Variants in KIAA1549 observed in about 807,000 individuals in gnomAD.
KIAA1549 encodes UPF0606 protein KIAA1549.
In KIAA1549, 70 loss-of-function variants were observed where a neutral mutation model predicts 156.4. The ratio of observed to expected loss-of-function variants is 0.45; its 90% confidence interval spans 0.37 to 0.55. The LOEUF is 0.55. Ranked by LOEUF, KIAA1549 falls within the 20% of genes least tolerant of loss-of-function variation. The pLI is 0.00. For missense variants in KIAA1549, 2,428 were observed against 2,540.9 expected, an observed-to-expected ratio of 0.96 and a Z score of 0.96; for synonymous variants, 1,103 against 1,066.4, an observed-to-expected ratio of 1.03 and a Z score of -0.67.
chr7:138,909,173 A>G, intron 4 of KIAA1549, 52 bp from the exon 5 acceptor site: 1 of 1,561,862 alleles, frequency 6.4e-7, no homozygotes, highest in Non-Finnish European at 8.7e-7. Context: ...GTGCTTCTGA[A>G]GTATTAAGGA....
chr7:138,903,794 T>A (rs1387875760), intron 7 of KIAA1549, 58 bp from the exon 8 acceptor site: 74 of 10,860 alleles, frequency 6.8e-3, no homozygotes, highest in Admixed American at 0.044. Flanking sequence ...AAAAAAACAG[T>A]GTGTGTGTGT....
At position 138,918,863 on chromosome 7, in the gene KIAA1549, T is replaced by G; in HGVS notation, c.763A>C (p.Thr255Pro). Residue 255 changes from threonine (T) to proline (P), a missense_variant, in exon 2 of 20, where the codon ACT (threonine) becomes CCT (proline). Thr to Pro is a conservative substitution (Grantham distance 38). Coordinates refer to ENST00000422774, the MANE Select transcript of KIAA1549 (RefSeq NM_001164665.2). This position sits in a 1 kb window ranked among gnomAD's most constrained non-coding sequence, Gnocchi z 4.2. ...TPGRNLVLYP[T>P]DAYSHLSSRT... The stretch of plus-strand genomic sequence containing the variant: ...CTTGATAAATGACTGTAAGCATCAG[T>G]AGGATAAAGCACCAAATTCCTGCCA... 6.2e-7 allele frequency: 1 copy of G among 1,613,992 alleles called. No homozygotes were observed. The highest frequency in any genetic ancestry group is 1.3e-5 in the African/African-American group (1 of 75,050).
chr7:138,866,671 T>C (rs569456744), intron 15 of KIAA1549, among the ~76,000 whole-genome samples: 2 of 152,354 alleles, frequency 1.3e-5, no homozygotes, highest in East Asian at 1.9e-4. Context: ...GTATTTCTCA[T>C]GGGTTAAGTG....
At chr7:138,856,027 A>AT (rs1810378772) in intron 16 of KIAA1549, among the ~76,000 whole-genome samples, 1 of 149,142 alleles carries the variant, frequency 6.7e-6, no homozygotes, top group African/African-American at 2.5e-5. Context: ...TTTTTTTATT[A>AT]TTTATTTTAT....
intron 7 of KIAA1549, 108 bp from the exon 8 acceptor site, chr7:138,903,844 TGTGTGTGTGCGCGCGCGCGC>T (rs1262278335): frequency 4.6e-6 from 2 of 431,074 alleles, no homozygotes; most frequent in Non-Finnish European, 6.9e-6. Flanking sequence ...TGTGTGTGTG[TGTGTGTGTGCGCGCGCGCGC>T]GCGCGCACAT....
intron 12 of KIAA1549, among the ~76,000 whole-genome samples, chr7:138,871,819 G>GT (rs919623777): frequency 3.9e-5 from 6 of 152,170 alleles, no homozygotes. Flanking sequence ...AGGCAATGTC[G>GT]TACTACAGAG....
Position 138,861,166 on chromosome 7 carries a change from T to C in KIAA1549, c.5220A>G (p.Pro1740=), listed in dbSNP as rs1164878095. 3 of 1,613,748 alleles carry C rather than the reference T, an allele frequency of 1.9e-6. No individual in the cohort carries two copies. The highest frequency in any genetic ancestry group is 2.5e-6 in the Non-Finnish European group (3 of 1,179,898). ...RATQWGSFYS[P]AQTANNPCSR... ...TGCAGGGATTGTTGGCCGTCTGGGCTGGGCTGTAGAAGGACCCCCACTGGG... is the reference window on the plus strand; with the variant it reads ...TGCAGGGATTGTTGGCCGTCTGGGCCGGGCTGTAGAAGGACCCCCACTGGG... Residue 1740 remains proline (P), a synonymous_variant, in exon 16 of 20, where the codon CCA becomes CCG. Coordinates refer to ENST00000422774, the MANE Select transcript of KIAA1549 (RefSeq NM_001164665.2).
rs751918568 is a variant in KIAA1549, at chr7:138,917,649, T to C, written c.1977A>G (p.Thr659=). The change falls in exon 2 of 20, where the codon ACA becomes ACG. Residue 659 remains threonine (T), a synonymous_variant. Transcript: ENST00000422774. The part of the protein sequence containing the change: ...SLMPSDLSPF[T]SQSFSPLVET... Reference sequence around the variant, plus strand: ...CAACCAAGGGAGAAAAAGACTGAGATGTGAAGGGGGACAAGTCACTCGGCA... The same window carrying C: ...CAACCAAGGGAGAAAAAGACTGAGACGTGAAGGGGGACAAGTCACTCGGCA... 61 of 1,613,176 alleles carry C rather than the reference T, an allele frequency of 3.8e-5. No homozygotes were observed. The highest frequency in any genetic ancestry group is 1.0e-4 in the Admixed American group (6 of 59,890).
rs576125686 is a variant in KIAA1549, at chr7:138,938,864, A to G, written c.188-19426T>C. Among the ~76,000 whole-genome samples, 11 of 152,272 alleles carry G rather than the reference A, an allele frequency of 7.2e-5. No homozygotes were observed. The South Asian group carries it at 8.3e-4, about 11-fold the overall frequency. ...AGAGTACAAGACCAGTCTAGCCAAT[A>G]CGGCGAAACCCTGTGTCTACTAAAA... is the stretch of plus-strand genomic sequence containing the variant. On this transcript the variant is annotated intron_variant, in intron 1 of 19. Coordinates refer to ENST00000422774, the MANE Select transcript of KIAA1549 (RefSeq NM_001164665.2).
intron 1 of KIAA1549, among the ~76,000 whole-genome samples, chr7:138,964,941 AG>A (rs1384102625): frequency 6.6e-6 from 1 of 151,702 alleles, no homozygotes; most frequent in East Asian, 1.9e-4. Flanking sequence ...TGCTCATAGC[AG>A]TGTTTTTTTT....
intron 1 of KIAA1549, among the ~76,000 whole-genome samples, chr7:138,960,640 A>C (rs1813816298): frequency 6.6e-6 from 1 of 152,192 alleles, no homozygotes; most frequent in Non-Finnish European, 1.5e-5. Context: ...AATACATGCT[A>C]CAGTGTTTCC....
chr7:138,954,565 C>CTGGTTCCTCCTCGTCTGTCAGG (rs1436179765), intron 1 of KIAA1549, among the ~76,000 whole-genome samples: 1 of 152,198 alleles, frequency 6.6e-6, no homozygotes, highest in Non-Finnish European at 1.5e-5. Context: ...CAAAAATGGT[C>CTGGTTCCTCCTCGTCTGTCAGG]TGGTTCCTCC....
intron 1 of KIAA1549, among the ~76,000 whole-genome samples, chr7:138,946,283 G>C (rs910519022): frequency 1.3e-5 from 2 of 152,098 alleles, no homozygotes; most frequent in African/African-American, 4.8e-5. Flanking sequence ...GTAAGCCTTA[G>C]TTGATTTCTG....
At chr7:138,861,617 C>T (rs1238908245) in intron 15 of KIAA1549, among the ~76,000 whole-genome samples, 161 bp from the exon 16 acceptor site, 1 of 149,248 alleles carries the variant, frequency 6.7e-6, no homozygotes, top group South Asian at 2.1e-4. Context: ...TTTGGGGAGG[C>T]TGAGGTGGAG....
intron 10 of KIAA1549, among the ~76,000 whole-genome samples, chr7:138,893,602 A>C (rs973161588): frequency 5.9e-5 from 9 of 152,258 alleles, no homozygotes; most frequent in African/African-American, 2.2e-4. Flanking sequence ...TTTTAAGTTA[A>C]AATGTTCAAG....
At position 138,916,821 on chromosome 7, in the gene KIAA1549, T is replaced by C. The variant is rs749333094; in HGVS notation, c.2805A>G (p.Thr935=). ...TAFTLEATVD[T]PTLATAKPPY... is the part of the protein sequence containing the mutation. Reference sequence around the variant, plus strand: ...GCGGCTTGGCAGTAGCCAGTGTTGGTGTGTCGACTGTTGCTTCGAGAGTGA... The same window carrying C: ...GCGGCTTGGCAGTAGCCAGTGTTGGCGTGTCGACTGTTGCTTCGAGAGTGA... Residue 935 remains threonine (T), a synonymous_variant, in exon 2 of 20, where the codon ACA becomes ACG. Coordinates refer to ENST00000422774, the MANE Select transcript of KIAA1549 (RefSeq NM_001164665.2). 3.1e-6 allele frequency: 5 copies of C among 1,613,790 alleles called. No individual in the cohort carries two copies. In the Admixed American group the frequency reaches 8.3e-5, roughly 27 times the overall value.
chr7:138,897,978 T>C (rs969691157), intron 9 of KIAA1549, among the ~76,000 whole-genome samples: 2 of 149,664 alleles, frequency 1.3e-5, no homozygotes, highest in African/African-American at 2.5e-5. Context: ...CTCTTCCATG[T>C]GCCTCCTTTT....
intron 15 of KIAA1549, among the ~76,000 whole-genome samples, chr7:138,863,873 A>G (rs895366333): frequency 6.6e-6 from 1 of 152,172 alleles, no homozygotes; most frequent in Non-Finnish European, 1.5e-5. Flanking sequence ...ATCCTAATTG[A>G]GAATCTGGGG....
chr7:138,918,442 C>T lies in KIAA1549; in HGVS notation c.1184G>A (p.Ser395Asn). 6.2e-7 allele frequency: 1 copy of T among 1,613,934 alleles called. No individual in the cohort carries two copies. Among genetic ancestry groups the T allele is most frequent in the Admixed American group, 1.7e-5 (1 of 60,032 alleles). The change falls in exon 2 of 20, where the codon AGC becomes AAC. Residue 395 changes from serine to asparagine, a missense_variant. Physicochemically the swap from Ser to Asn is conservative, Grantham distance 46 (BLOSUM62 1). Transcript: ENST00000422774. The surrounding 1 kb of genome is among the most constrained non-coding windows in gnomAD (Gnocchi z 4.2). Reference protein sequence around the residue: ...SDSSKTSELHSNSALPGPVDN... With the variant: ...SDSSKTSELHNNSALPGPVDN... Reference sequence around the variant, plus strand: ...CACAGGACCGGGGAGGGCTGAATTGCTATGCAATTCGGATGTTTTGCTGGA... The same window carrying T: ...CACAGGACCGGGGAGGGCTGAATTGTTATGCAATTCGGATGTTTTGCTGGA...
Sources: allele counts gnomAD v4.1 joint callset (sites outside exome capture counted in the v4.1 genomes callset), GRCh38; gene constraint gnomAD v4.1.1; non-coding constraint Gnocchi (gnomAD v3.1); transcripts MANE v1.5; gene names NCBI Gene and HGNC (gene_info 2026-07-23, HGNC 2026-07-21).